The following TTBK2 variants were observed in gnomAD, a reference collection of about 807,000 sequenced individuals.
The protein encoded by TTBK2 is tau-tubulin kinase 2.
In TTBK2, 28 loss-of-function variants were observed where a neutral mutation model predicts 110.8. The observed-to-expected ratio is 0.25, with a 90% confidence interval of 0.19 to 0.35. The LOEUF is 0.35. Ranked by LOEUF, TTBK2 falls within the 10% of genes least tolerant of loss-of-function variation. The pLI is 1.00. For synonymous variants in TTBK2, 532 were observed against 527.3 expected (o/e 1.01, Z -0.12); for missense variants, 1,369 against 1,500.3 (o/e 0.91, Z 1.45).
In TTBK2 at chr15:42,794,709, G is replaced by A. The variant is rs764647903; in HGVS notation, c.915C>T (p.Ser305=). The change falls in exon 10 of 15, where the codon TCC becomes TCT. Residue 305 remains serine (S), a synonymous_variant. Transcript: ENST00000267890. ...TGGTAGAAGTAGTGGTGGTTGTTAG[G>A]GAGCCATCATTTCCAGTCTTCTCCC... The part of the protein sequence containing the change: ...FDWEKTGNDG[S]LTTTTTSTTP... 14 of 1,613,900 alleles carry A rather than the reference G, an allele frequency of 8.7e-6. No individual in the cohort carries two copies. In the Admixed American group the frequency reaches 2.0e-4, roughly 23 times the overall value.
chr15:42,823,007 T>G (rs75545308), intron 6 of TTBK2, among the ~76,000 whole-genome samples: 10,366 of 152,208 alleles, frequency 0.068, 937 homozygotes, highest in African/African-American at 0.2. Flanking sequence ...GGGAAAAAAT[T>G]CAAGGAGAAC....
At chr15:42,769,481 T>C (rs1421239178) in intron 13 of TTBK2, among the ~76,000 whole-genome samples, 5 of 151,802 alleles carry the variant, frequency 3.3e-5, no homozygotes, top group African/African-American at 1.2e-4. Flanking sequence ...AAGAAGACAT[T>C]TATGCAGCCA....
intron 13 of TTBK2, among the ~76,000 whole-genome samples, chr15:42,764,173 A>C (rs1315358793): frequency 6.6e-6 from 1 of 152,202 alleles, no homozygotes; most frequent in Non-Finnish European, 1.5e-5. Context: ...TCCAGTCTGC[A>C]GCTCCCAGCA....
rs79076322 is a variant in TTBK2, at chr15:42,874,314, T to A, written c.70-1556A>T. 1.2e-3 allele frequency among the ~76,000 whole-genome samples: 175 copies of A among 152,058 alleles called. 2 individuals are homozygous for A. In the East Asian group the frequency reaches 0.031, roughly 27 times the overall value. On this transcript the variant is annotated intron_variant, in intron 2 of 14. Transcript: ENST00000267890. ...ATAATCCTTCTTTATTTTTTTATTT[T>A]TTTTATTTTTTTATTTTTTGAGTTG...
chr15:42,785,758 A>T (rs1169563941), intron 10 of TTBK2, among the ~76,000 whole-genome samples: 12 of 149,098 alleles, frequency 8.0e-5, no homozygotes, highest in East Asian at 5.9e-4. Flanking sequence ...TTTTTTTTTT[A>T]AATATTGCTG....
At chr15:42,917,441 C>G (rs1043985923) in intron 1 of TTBK2, among the ~76,000 whole-genome samples, 1 of 151,886 alleles carries the variant, frequency 6.6e-6, no homozygotes, top group Non-Finnish European at 1.5e-5. Flanking sequence ...GTATTATAAA[C>G]CTATAATCAA....
intron 7 of TTBK2, among the ~76,000 whole-genome samples, chr15:42,815,953 AAAAAAATAT>A (rs1194505014): frequency 5.0e-5 from 2 of 39,658 alleles, no homozygotes; most frequent in African/African-American, 3.5e-4. Flanking sequence ...TATATTTAAA[AAAAAAATAT>A]ATATATATAT....
At chr15:42,862,637 C>T (rs1157835525) in intron 3 of TTBK2, among the ~76,000 whole-genome samples, 1 of 152,146 alleles carries the variant, frequency 6.6e-6, no homozygotes, top group Non-Finnish European at 1.5e-5. Context: ...ACCTGTAATC[C>T]CAGCACTTTG....
intron 14 of TTBK2, among the ~76,000 whole-genome samples, chr15:42,749,283 T>C (rs896444018): frequency 3.3e-5 from 5 of 152,214 alleles, no homozygotes; most frequent in Admixed American, 2.0e-4. Flanking sequence ...TAGGAAGCAC[T>C]AGGAATCTGT....
At chr15:42,896,331 C>CAAT (rs555451425) in intron 1 of TTBK2, among the ~76,000 whole-genome samples, 30 of 151,906 alleles carry the variant, frequency 2.0e-4, no homozygotes, top group African/African-American at 7.0e-4. Context: ...TGTCTCAAAA[C>CAAT]AATAATAATA....
Position 42,783,582 on chromosome 15 carries a change from T to C in TTBK2, c.1034A>G (p.Glu345Gly). ...PGDLLRENTD[E>G]VFPDEQLSDG... ...GCTAAGCTGTTCATCTGGAAATACC[T>C]CATCTGTATTTTCTCGAAGCAAGTC... Residue 345 changes from glutamate (E) to glycine (G), a missense_variant, in exon 11 of 15, where the codon GAG (glutamate) becomes GGG (glycine). Glu to Gly is a moderately conservative substitution (Grantham distance 98, BLOSUM62 -2). Coordinates refer to ENST00000267890, the MANE Select transcript of TTBK2 (RefSeq NM_173500.4). The C allele has an allele frequency of 1.9e-6, 3 of 1,614,108 alleles. No homozygotes were observed. The highest frequency in any genetic ancestry group is 1.7e-6 in the Non-Finnish European group (2 of 1,180,014).
intron 7 of TTBK2, among the ~76,000 whole-genome samples, chr15:42,813,566 C>T (rs751259845): frequency 7.3e-5 from 11 of 151,688 alleles, no homozygotes; most frequent in Admixed American, 1.3e-4. Flanking sequence ...AAATTAAGGC[C>T]GAGCGCAGTG....
At chr15:42,827,782 G>C (rs1892593038) in intron 6 of TTBK2, 146 bp downstream of exon 6, 1 of 700,252 alleles carries the variant, frequency 1.4e-6, no homozygotes, top group Non-Finnish European at 2.4e-6. Context: ...AAAATTTATT[G>C]TCATTCTATA....
rs1892691631 is a variant in TTBK2, at chr15:42,830,203, T to G, written c.292-125A>C. The G allele has an allele frequency of 3.3e-6, 4 of 1,211,494 alleles. No individual in the cohort carries two copies. In the East Asian group the frequency reaches 1.0e-4, roughly 32 times the overall value. 75.0% of individuals were successfully genotyped at this position (1,211,494 alleles called of 1,614,324 possible). On this transcript the variant is annotated intron_variant, in intron 4 of 14. Transcript: ENST00000267890. ...AAAATAGCAAGAATTTTTTTTTTTT[T>G]TGAGAGGGAGTTTCACTCTTGTTGC...
chr15:42,839,440 T>G (rs1386464625), intron 4 of TTBK2, among the ~76,000 whole-genome samples: 4 of 152,192 alleles, frequency 2.6e-5, no homozygotes, highest in Non-Finnish European at 5.9e-5. Flanking sequence ...GGTAGAATGA[T>G]TTTATTCCTT....
intron 1 of TTBK2, among the ~76,000 whole-genome samples, chr15:42,879,276 G>C (rs1894942216): frequency 6.6e-6 from 1 of 152,140 alleles, no homozygotes; most frequent in African/African-American, 2.4e-5. Flanking sequence ...ACCAGTCCAG[G>C]AATGAGAAAG....
At chr15:42,783,036 C>T (rs867823598) in intron 11 of TTBK2, among the ~76,000 whole-genome samples, 6 of 152,322 alleles carry the variant, frequency 3.9e-5, no homozygotes, top group Middle Eastern at 3.4e-3. Flanking sequence ...AGCCAAATCA[C>T]ATTGTGGCAT....
At chr15:42,834,076 C>T (rs962031143) in intron 4 of TTBK2, among the ~76,000 whole-genome samples, 2 of 150,962 alleles carry the variant, frequency 1.3e-5, no homozygotes, top group East Asian at 3.9e-4. Context: ...CTTGTAGTCC[C>T]AGCTACTCAG....
chr15:42,895,164 T>A (rs1288165670), intron 1 of TTBK2, among the ~76,000 whole-genome samples: 1 of 152,216 alleles, frequency 6.6e-6, no homozygotes, highest in African/African-American at 2.4e-5. Flanking sequence ...ATAAATAAGC[T>A]GACTCTAAAA....
Sources: gnomAD v4.1 joint callset for allele counts (sites outside exome capture counted in the v4.1 genomes callset) on GRCh38, gnomAD v4.1.1 for gene constraint, MANE v1.5 for transcripts, NCBI Gene and HGNC (gene_info 2026-07-23, HGNC 2026-07-21) for gene names.